The following RFX3 variants were observed in gnomAD, a reference collection of about 807,000 sequenced individuals.
RFX3 encodes the protein regulatory factor X3, also known as transcription factor RFX3.
A neutral mutation model predicts 98.6 loss-of-function variants in RFX3; 14 were observed. The observed-to-expected ratio is 0.14, with a 90% CI of 0.09 to 0.22. RFX3 has a LOEUF of 0.22. Ranked by LOEUF, RFX3 falls within the 10% of genes least tolerant of loss-of-function variation. The probability of loss-of-function intolerance (pLI) is 1.00; values close to 1 mark genes in which losing one functional copy is unlikely to be tolerated. For synonymous variants in RFX3, 383 were observed against 328.4 expected, an observed-to-expected ratio of 1.17 and a Z score of -1.80; for missense variants, 639 against 926.9, an observed-to-expected ratio of 0.69 and a Z score of 4.03.
chr9:3,378,800 T>A (rs1007939899), intron 2 of RFX3, among the ~76,000 whole-genome samples: 10 of 151,960 alleles, frequency 6.6e-5, no homozygotes, highest in African/African-American at 2.4e-4. Flanking sequence ...AGGTGGTCCG[T>A]CTTCCTCAGC....
intron 1 of RFX3, among the ~76,000 whole-genome samples, chr9:3,435,424 G>T (rs1349526783): frequency 6.6e-6 from 1 of 151,386 alleles, no homozygotes; most frequent in African/African-American, 2.4e-5. Context: ...TAAAAATTAA[G>T]ACACAAACAT....
chr9:3,288,500 A>G (rs771608580), intron 6 of RFX3, among the ~76,000 whole-genome samples: 3 of 152,084 alleles, frequency 2.0e-5, no homozygotes, highest in Non-Finnish European at 2.9e-5. Context: ...ACTTCCACTT[A>G]AATATTAGTC....
chr9:3,239,809 A>G (rs1192984492), intron 15 of RFX3, among the ~76,000 whole-genome samples: 1 of 152,152 alleles, frequency 6.6e-6, no homozygotes, highest in Non-Finnish European at 1.5e-5. Flanking sequence ...AGCCAGCTGG[A>G]TGTGACTTCT....
At chr9:3,491,727 T>C (rs1053081621) in intron 1 of RFX3, among the ~76,000 whole-genome samples, 8 of 152,194 alleles carry the variant, frequency 5.3e-5, no homozygotes, top group African/African-American at 1.9e-4. Context: ...TTTTTTATGA[T>C]TACAACTTCC....
intron 1 of RFX3, among the ~76,000 whole-genome samples, chr9:3,464,800 GC>G (rs1227829229): frequency 2.0e-5 from 3 of 151,970 alleles, no homozygotes; most frequent in African/African-American, 7.3e-5. Context: ...ACAAATAAAA[GC>G]AATGAAATAT....
intron 4 of RFX3, among the ~76,000 whole-genome samples, chr9:3,326,538 A>G (rs962472872): frequency 6.6e-6 from 1 of 152,096 alleles, no homozygotes; most frequent in Admixed American, 6.5e-5. Context: ...CTATGTGTCC[A>G]TGTATTCTCA....
At chr9:3,484,410 C>G (rs1484700637) in intron 1 of RFX3, among the ~76,000 whole-genome samples, 1 of 152,152 alleles carries the variant, frequency 6.6e-6, no homozygotes, top group Non-Finnish European at 1.5e-5. Context: ...AGTAGACTTA[C>G]AGAGAAAGGG....
intron 2 of RFX3, among the ~76,000 whole-genome samples, chr9:3,350,019 T>G (rs2131220762): frequency 6.6e-6 from 1 of 152,196 alleles, no homozygotes; most frequent in South Asian, 2.1e-4. Flanking sequence ...TTGATAATCC[T>G]ATTAAAAAAA....
At chr9:3,443,358 C>T (rs1431408012) in intron 1 of RFX3, among the ~76,000 whole-genome samples, 1 of 152,180 alleles carries the variant, frequency 6.6e-6, no homozygotes, top group Non-Finnish European at 1.5e-5. Flanking sequence ...CCTCCTACCA[C>T]CAACCCTCTC....
At chr9:3,283,347 C>T (rs559084698) in intron 7 of RFX3, among the ~76,000 whole-genome samples, 10 of 151,670 alleles carry the variant, frequency 6.6e-5, no homozygotes, top group Non-Finnish European at 1.2e-4. Context: ...TTTTCAGATA[C>T]GTTATTCCAC....
chr9:3,522,760 A>G (rs1818849493), intron 1 of RFX3, among the ~76,000 whole-genome samples: 1 of 152,222 alleles, frequency 6.6e-6, no homozygotes. Context: ...AATGTTACCA[A>G]AAAGTAACAT....
intron 2 of RFX3, among the ~76,000 whole-genome samples, chr9:3,386,820 T>C (rs191617648): frequency 6.6e-5 from 10 of 152,160 alleles, no homozygotes; most frequent in Admixed American, 3.3e-4. Context: ...AGTACATATG[T>C]CTCTTATCAG....
chr9:3,386,099 G>C (rs1839691212), intron 2 of RFX3, among the ~76,000 whole-genome samples: 1 of 152,064 alleles, frequency 6.6e-6, no homozygotes. Flanking sequence ...TCATAATCCA[G>C]TCCAATACAA....
At chr9:3,305,122 C>G (rs184196316) in intron 4 of RFX3, among the ~76,000 whole-genome samples, 2 of 151,854 alleles carry the variant, frequency 1.3e-5, no homozygotes, top group African/African-American at 4.8e-5. Flanking sequence ...CTTAATAGAG[C>G]CAGGAGGCAA....
At chr9:3,476,122 A>C (rs755887190) in intron 1 of RFX3, among the ~76,000 whole-genome samples, 8 of 151,520 alleles carry the variant, frequency 5.3e-5, no homozygotes, top group Non-Finnish European at 1.0e-4. Flanking sequence ...TATTATTATA[A>C]TATTGGCATA....
At chr9:3,360,529 T>C (rs12683765) in intron 2 of RFX3, among the ~76,000 whole-genome samples, 12,629 of 151,908 alleles carry the variant, frequency 0.083, 624 homozygotes, top group South Asian at 0.2. Flanking sequence ...AAAAAAATTA[T>C]CCCCCAAATA....
intron 2 of RFX3, among the ~76,000 whole-genome samples, chr9:3,351,123 C>T (rs905204357): frequency 3.3e-5 from 5 of 151,404 alleles, no homozygotes; most frequent in African/African-American, 7.3e-5. Flanking sequence ...AATGTAGGTT[C>T]ATCAGTTATA....
intron 1 of RFX3, among the ~76,000 whole-genome samples, chr9:3,486,563 G>A (rs1248929236): frequency 6.6e-6 from 1 of 151,944 alleles, no homozygotes; most frequent in Non-Finnish European, 1.5e-5. Flanking sequence ...AATAAGCTAT[G>A]GACAAAATAA....
At chr9:3,470,841 T>G (rs1322401394) in intron 1 of RFX3, among the ~76,000 whole-genome samples, 1 of 152,208 alleles carries the variant, frequency 6.6e-6, no homozygotes, top group African/African-American at 2.4e-5. Flanking sequence ...ATGAGCAGGA[T>G]AAGATAGATG....
Sources: allele counts gnomAD v4.1 joint callset (sites outside exome capture counted in the v4.1 genomes callset), GRCh38; gene constraint gnomAD v4.1.1; transcripts MANE v1.5; gene names NCBI Gene and HGNC (gene_info 2026-07-23, HGNC 2026-07-21).